Variants in ADGRL1 observed in about 807,000 individuals in gnomAD.
ADGRL1 encodes adhesion G protein-coupled receptor L1.
Under a neutral mutation model 148.9 loss-of-function variants are expected in ADGRL1, and 31 were observed. That is an observed-to-expected ratio of 0.21 (90% CI 0.16 to 0.28). ADGRL1 has a LOEUF of 0.28. Ranked by LOEUF, ADGRL1 falls within the 10% of genes least tolerant of loss-of-function variation. The probability of loss-of-function intolerance (pLI) is 1.00; values close to 1 mark genes in which losing one functional copy is unlikely to be tolerated. For missense variants in ADGRL1, 1,521 were observed against 2,058.8 expected (o/e 0.74, Z 5.05); for synonymous variants, 937 against 900.3 (o/e 1.04, Z -0.73).
At position 14,152,372 on chromosome 19, in the gene ADGRL1, T is replaced by C. The variant is rs769212930; in HGVS notation, c.3586A>G (p.Asn1196Asp). The change falls in exon 21 of 23, where the codon AAC becomes GAC. Residue 1196 changes from asparagine to aspartate, a missense_variant. This residue lies in a region of ADGRL1 where 47 missense variants were observed against 64.6 expected (regional missense o/e 0.73). Coordinates refer to ENST00000361434, the MANE Select transcript of ADGRL1 (RefSeq NM_014921.5). The surrounding 1 kb of genome is among the most constrained non-coding windows in gnomAD (Gnocchi z 6.1). ...CCCACTGACTCGGCGATGAGGGTGTTGTAGGGACTGGTGCCCCCACGGGGC... is the reference window on the plus strand; with the variant it reads ...CCCACTGACTCGGCGATGAGGGTGTCGTAGGGACTGGTGCCCCCACGGGGC... Reference protein sequence around the residue: ...LQPRGGTSPYNTLIAESVGFN... With the variant: ...LQPRGGTSPYDTLIAESVGFN... 44 of 1,601,928 alleles carry C rather than the reference T, an allele frequency of 2.7e-5. No homozygotes were observed. The Admixed American group carries it at 7.4e-4, about 27-fold the overall frequency.
chr19:14,183,572 G>C lies in ADGRL1; in HGVS notation c.31C>G (p.Leu11Val). The C allele has an allele frequency of 6.3e-7, 1 of 1,585,680 alleles. No individual in the cohort carries two copies. The highest frequency in any genetic ancestry group is 1.3e-5 in the African/African-American group (1 of 74,484). The change falls in exon 2 of 23, where the codon CTG (leucine) becomes GTG (valine). Residue 11 changes from leucine (L) to valine (V), a missense_variant. Leu to Val is a conservative substitution (Grantham distance 32). This residue lies in a region of ADGRL1 where 334 missense variants were observed against 512.5 expected (regional missense o/e 0.65). Transcript: ENST00000361434. Reference sequence around the variant, plus strand: ...GTGACCAGGACGGCGGTGACACACAGATTCCAGAGCACTGCGGCTAGGCGG... The same window carrying C: ...GTGACCAGGACGGCGGTGACACACACATTCCAGAGCACTGCGGCTAGGCGG... MARLAAVLWNLCVTAVLVTSA... is the reference protein window; with the variant it reads MARLAAVLWNVCVTAVLVTSA...
At chr19:14,204,683 A>T (rs2145204373) in intron 1 of ADGRL1, among the ~76,000 whole-genome samples, 1 of 150,216 alleles carries the variant, frequency 6.7e-6, no homozygotes, top group South Asian at 2.1e-4. Context: ...AGAGAGAAAG[A>T]CAGAGAGAGA....
intron 15 of ADGRL1, 56 bp downstream of exon 15, chr19:14,156,869 T>C: frequency 6.3e-7 from 1 of 1,577,032 alleles, no homozygotes; most frequent in Non-Finnish European, 8.6e-7. Context: ...GTCCAAGGGG[T>C]GCCGCCCAGC....
chr19:14,166,681 C>T (rs1183180054), intron 4 of ADGRL1, among the ~76,000 whole-genome samples: 1 of 140,360 alleles, frequency 7.1e-6, no homozygotes, highest in African/African-American at 2.5e-5. Context: ...TTATACACTT[C>T]TCCTGAAGGA....
rs762832291 is a variant in ADGRL1 at position 14,158,431 on chromosome 19, C to A, written c.2271G>T (p.Val757=). 1.9e-6 allele frequency: 3 copies of A among 1,613,676 alleles called. No individual in the cohort carries two copies. Among genetic ancestry groups the A allele is most frequent in the African/African-American group, 2.7e-5 (2 of 74,928 alleles). Residue 757 remains valine (V), a synonymous_variant, in exon 12 of 23, where the codon GTG becomes GTT. Coordinates refer to ENST00000361434, the MANE Select transcript of ADGRL1 (RefSeq NM_014921.5). ...ATGCTGCGATGACCTGTGAGTTCAC[C>A]ACTAGAGAGGCGCCCCCAGGGCCAC... ...GPGGPGGASL[V]VNSQVIAASI...
chr19:14,154,053 G>T (rs1470468414), intron 18 of ADGRL1, among the ~76,000 whole-genome samples: 1 of 152,088 alleles, frequency 6.6e-6, no homozygotes, highest in Non-Finnish European at 1.5e-5. Context: ...ACATCTAGGT[G>T]TCTGAGAGCA....
Position 14,160,734 on chromosome 19 carries a change from A to C in ADGRL1, c.1511-38T>G, listed in dbSNP as rs1313566903. On this transcript the variant is annotated intron_variant, in intron 6 of 22. Transcript: ENST00000361434. The surrounding 1 kb of genome is among the most constrained non-coding windows in gnomAD (Gnocchi z 5.9). ...ACAGACAGGAACAGACAAGGGAGCC[A>C]AAGGGAAGAAGAGAAGGATGGGACA... 1 of 1,235,990 alleles carries C rather than the reference A, an allele frequency of 8.1e-7. No homozygotes were observed. The highest frequency in any genetic ancestry group is 1.2e-6 in the Non-Finnish European group (1 of 840,772). The allele number at this position is 1,235,990 out of a possible 1,614,324, so 76.6% of individuals were successfully genotyped here.
chr19:14,205,034 GA>G (rs1200429016), intron 1 of ADGRL1, among the ~76,000 whole-genome samples: 2 of 152,092 alleles, frequency 1.3e-5, no homozygotes, highest in African/African-American at 4.8e-5. Context: ...ACCCGGACTG[GA>G]AGTGTAGAGA....
In ADGRL1 at chr19:14,163,225, C is replaced by T; in HGVS notation, c.576G>A (p.Val192=). The T allele has an allele frequency of 6.2e-7, 1 of 1,613,176 alleles. No individual in the cohort carries two copies. The highest frequency in any genetic ancestry group is 8.5e-7 in the Non-Finnish European group (1 of 1,179,992). ...LTEYASWEDY[V]AARHTTTYRL... is the part of the protein sequence containing the mutation. The stretch of plus-strand genomic sequence containing the variant: ...GGTAGGTGGTGGTGTGGCGGGCGGC[C>T]ACGTAGTCCTCCCACGAGGCATACT... Residue 192 remains valine, a synonymous_variant, in exon 5 of 23, where the codon GTG becomes GTA. Transcript: ENST00000361434.
intron 16 of ADGRL1, 37 bp from the exon 17 acceptor site, chr19:14,156,238 G>A: frequency 6.7e-7 from 1 of 1,487,926 alleles, no homozygotes; most frequent in Non-Finnish European, 9.3e-7. Flanking sequence ...GGCTGAGAGT[G>A]GCCCTGCCTC....
At chr19:14,184,149 G>A (rs921758363) in intron 1 of ADGRL1, among the ~76,000 whole-genome samples, 4 of 152,084 alleles carry the variant, frequency 2.6e-5, no homozygotes, top group South Asian at 2.1e-4. Context: ...CCAAGCCCCC[G>A]CCCCCAGCCC....
chr19:14,184,322 G>A (rs200004845), intron 1 of ADGRL1, among the ~76,000 whole-genome samples: 8 of 152,034 alleles, frequency 5.3e-5, no homozygotes, highest in Non-Finnish European at 1.2e-4. Flanking sequence ...CTCCCCCTCT[G>A]GGGGGGCCAG....
chr19:14,177,812 C>A (rs1970928950), intron 2 of ADGRL1, 68 bp from the exon 3 acceptor site: 2 of 1,401,242 alleles, frequency 1.4e-6, no homozygotes, highest in Non-Finnish European at 2.0e-6. Flanking sequence ...CTACCCACTG[C>A]CAAGAAAACA....
chr19:14,153,808 G>C (rs1303492470), intron 18 of ADGRL1, among the ~76,000 whole-genome samples: 3 of 151,716 alleles, frequency 2.0e-5, no homozygotes. Flanking sequence ...AAAATTAGCT[G>C]GTCGTGGCAG....
chr19:14,171,543 G>T (rs539079126), intron 3 of ADGRL1, among the ~76,000 whole-genome samples: 1 of 152,174 alleles, frequency 6.6e-6, no homozygotes, highest in Non-Finnish European at 1.5e-5. Flanking sequence ...TAAAGCCCCT[G>T]CGCTGTTCAC....
intron 1 of ADGRL1, among the ~76,000 whole-genome samples, chr19:14,201,302 G>GA: frequency 2.7e-5 from 3 of 109,950 alleles, no homozygotes; most frequent in East Asian, 5.6e-4. Context: ...GAGTTTTTTT[G>GA]TTTTTTTTTT....
At chr19:14,193,994 C>G (rs967274826) in intron 1 of ADGRL1, among the ~76,000 whole-genome samples, 3 of 152,074 alleles carry the variant, frequency 2.0e-5, no homozygotes, top group Non-Finnish European at 4.4e-5. Context: ...GTAATCCCAG[C>G]ACTTTGGGAG....
At position 14,177,689 on chromosome 19, in the gene ADGRL1, T is replaced by C; in HGVS notation, c.126A>G (p.Glu42=). Residue 42 remains glutamate (E), a synonymous_variant, in exon 3 of 23, where the codon GAA becomes GAG. Coordinates refer to ENST00000361434, the MANE Select transcript of ADGRL1 (RefSeq NM_014921.5). ...FGLMRRELAC[E]GYPIELRCPG... Reference sequence around the variant, plus strand: ...GGCACCGCAGCTCGATGGGGTAGCCTTCACACGCCAGCTCCCGGCGCATCA... The same window carrying C: ...GGCACCGCAGCTCGATGGGGTAGCCCTCACACGCCAGCTCCCGGCGCATCA... The C allele has an allele frequency of 6.2e-7, 1 of 1,614,080 alleles. No individual in the cohort carries two copies. Among genetic ancestry groups the C allele is most frequent in the Non-Finnish European group, 8.5e-7 (1 of 1,180,036 alleles).
Position 14,162,490 on chromosome 19 carries a change from C to T in ADGRL1, c.1195+116G>A. 3.4e-6 allele frequency: 3 copies of T among 876,322 alleles called. No individual in the cohort carries two copies. The highest frequency in any genetic ancestry group is 1.6e-5 in the South Asian group (1 of 61,616). The allele number at this position is 876,322 out of a possible 1,614,324, so 54.3% of individuals were successfully genotyped here. ...GTCACATGCTGTGAATTTCCTTTAC[C>T]TCCCGATCCCCAAGAGCTCACAGGA... On this transcript the variant is annotated intron_variant, in intron 5 of 22. Transcript: ENST00000361434. This position sits in a 1 kb window ranked among gnomAD's most constrained non-coding sequence, Gnocchi z 5.4.
Sources: allele counts gnomAD v4.1 joint callset (sites outside exome capture counted in the v4.1 genomes callset), GRCh38; gene constraint gnomAD v4.1.1; regional missense constraint gnomAD v4.1.1; non-coding constraint Gnocchi (gnomAD v3.1); transcripts MANE v1.5; gene names NCBI Gene and HGNC (gene_info 2026-07-23, HGNC 2026-07-21).